ADAMTSL1: variants seen among roughly 807,000 people sequenced by gnomAD.
ADAMTSL1 encodes ADAMTS like 1.
Under a neutral mutation model 201.8 loss-of-function variants are expected in ADAMTSL1, and 126 were observed. That is an observed-to-expected ratio of 0.62 (90% confidence interval 0.54 to 0.72). The LOEUF is 0.72. Ranked by LOEUF, ADAMTSL1 falls within the 30% of genes least tolerant of loss-of-function variation. The pLI, the probability that ADAMTSL1 is intolerant of heterozygous loss-of-function variation, is 0.00. For missense variants in ADAMTSL1, 2,679 were observed against 2,277.8 expected, an observed-to-expected ratio of 1.18 and a Z score of -3.59; for synonymous variants, 1,121 against 903.4, an observed-to-expected ratio of 1.24 and a Z score of -4.32.
chr9:18,785,781 C>T (rs1053370779), intron 19 of ADAMTSL1, among the ~76,000 whole-genome samples: 1 of 152,194 alleles, frequency 6.6e-6, no homozygotes, highest in Non-Finnish European at 1.5e-5. Context: ...AGTATTCCTA[C>T]GTCTAAATCC....
intron 4 of ADAMTSL1, among the ~76,000 whole-genome samples, chr9:18,619,127 T>G (rs1207288977): frequency 6.6e-6 from 1 of 152,036 alleles, no homozygotes; most frequent in Non-Finnish European, 1.5e-5. Context: ...TAATAGCATG[T>G]GCACAGAGGG....
At chr9:18,369,235 T>C (rs746863344) in intron 2 of ADAMTSL1, among the ~76,000 whole-genome samples, 32 of 152,228 alleles carry the variant, frequency 2.1e-4, no homozygotes, top group Non-Finnish European at 4.1e-4. Flanking sequence ...CAACTCGACC[T>C]CACAGCTCTC....
intron 1 of ADAMTSL1, among the ~76,000 whole-genome samples, chr9:18,061,808 C>A (rs1194689701): frequency 6.6e-6 from 1 of 152,162 alleles, no homozygotes; most frequent in African/African-American, 2.4e-5. Flanking sequence ...TTAGTTTAGT[C>A]CATGCAATAG....
chr9:18,555,730 C>T (rs1471026770), intron 3 of ADAMTSL1, among the ~76,000 whole-genome samples: 1 of 151,810 alleles, frequency 6.6e-6, no homozygotes, highest in Non-Finnish European at 1.5e-5. Flanking sequence ...AGGAGTTAAC[C>T]AGGGGAATAA....
At chr9:18,044,541 A>T (rs570182343) in intron 1 of ADAMTSL1, among the ~76,000 whole-genome samples, 11 of 152,236 alleles carry the variant, frequency 7.2e-5, no homozygotes, top group Admixed American at 1.3e-4. Context: ...TACTCAGATG[A>T]TTGGATTGGC....
chr9:18,227,478 A>C (rs1830473860), intron 2 of ADAMTSL1, among the ~76,000 whole-genome samples: 1 of 152,170 alleles, frequency 6.6e-6, no homozygotes, highest in African/African-American at 2.4e-5. Flanking sequence ...AGTACATTTT[A>C]TTCATTTACA....
chr9:18,000,386 C>A (rs977270791), intron 1 of ADAMTSL1, among the ~76,000 whole-genome samples: 7 of 151,962 alleles, frequency 4.6e-5, no homozygotes, highest in African/African-American at 1.7e-4. Context: ...CTAATAAAAA[C>A]CAGTCATCCT....
At chr9:18,369,655 G>A (rs1457998320) in intron 2 of ADAMTSL1, among the ~76,000 whole-genome samples, 3 of 151,970 alleles carry the variant, frequency 2.0e-5, no homozygotes, top group Non-Finnish European at 4.4e-5. Context: ...AGAAATTATT[G>A]TATCAAAAAG....
intron 1 of ADAMTSL1, among the ~76,000 whole-genome samples, chr9:17,913,236 G>T (rs1471229478): frequency 1.3e-5 from 2 of 152,156 alleles, no homozygotes; most frequent in Non-Finnish European, 2.9e-5. Flanking sequence ...TGTGAAGAAA[G>T]TCCTTGGTAG....
intron 2 of ADAMTSL1, among the ~76,000 whole-genome samples, chr9:18,454,929 T>C (rs947269758): frequency 6.6e-6 from 1 of 152,194 alleles, no homozygotes; most frequent in African/African-American, 2.4e-5. Context: ...GCTCCACATA[T>C]GGAGGTAAAA....
At chr9:18,848,322 C>T (rs1027707748) in intron 23 of ADAMTSL1, among the ~76,000 whole-genome samples, 1 of 152,244 alleles carries the variant, frequency 6.6e-6, no homozygotes, top group African/African-American at 2.4e-5. Flanking sequence ...TTACAAGTTA[C>T]TTCTCCGTCT....
chr9:18,093,643 T>A (rs920166208), intron 1 of ADAMTSL1, among the ~76,000 whole-genome samples: 11 of 152,188 alleles, frequency 7.2e-5, no homozygotes, highest in African/African-American at 2.4e-4. Flanking sequence ...CAAATGTAAC[T>A]ATAAAAATCT....
intron 23 of ADAMTSL1, among the ~76,000 whole-genome samples, chr9:18,871,617 GA>G (rs781703210): frequency 2.0e-5 from 3 of 152,150 alleles, no homozygotes; most frequent in Non-Finnish European, 4.4e-5. Flanking sequence ...TTAAATGAAA[GA>G]AAATTAAAAC....
rs548183538 is a variant in ADAMTSL1, at chr9:18,605,370, G to A, written c.475-16873G>A. Among the ~76,000 whole-genome samples, 21 of 152,258 alleles carry A rather than the reference G, an allele frequency of 1.4e-4. No homozygotes were observed. The East Asian group carries it at 1.7e-3, about 13-fold the overall frequency. The stretch of plus-strand genomic sequence containing the variant: ...CCCTAATATCCAATTAGGACCAAGC[G>A]CTGGCATTGTAGATGAAAAAGCGGT... On this transcript the variant is annotated intron_variant, in intron 4 of 28. Transcript: ENST00000380548.
intron 2 of ADAMTSL1, among the ~76,000 whole-genome samples, chr9:18,316,419 C>T (rs1834397025): frequency 6.6e-6 from 1 of 152,036 alleles, no homozygotes; most frequent in South Asian, 2.1e-4. Context: ...GAGACGGGCA[C>T]ACCTGGGGGG....
chr9:18,044,925 T>C (rs1261899326), intron 1 of ADAMTSL1, among the ~76,000 whole-genome samples: 1 of 152,160 alleles, frequency 6.6e-6, no homozygotes, highest in Non-Finnish European at 1.5e-5. Flanking sequence ...TACCAAATTA[T>C]TAATTGGAAG....
intron 2 of ADAMTSL1, among the ~76,000 whole-genome samples, chr9:18,294,155 A>G (rs976997948): frequency 1.3e-5 from 2 of 152,092 alleles, no homozygotes; most frequent in Admixed American, 6.6e-5. Context: ...CCAACCTAAA[A>G]TTTCACGCCA....
chr9:18,456,047 T>C (rs1820589935), intron 2 of ADAMTSL1, among the ~76,000 whole-genome samples: 1 of 152,198 alleles, frequency 6.6e-6, no homozygotes, highest in African/African-American at 2.4e-5. Context: ...TTCATATTCT[T>C]GAAGGCCCTA....
intron 1 of ADAMTSL1, among the ~76,000 whole-genome samples, chr9:18,014,285 T>C (rs1277982739): frequency 6.6e-6 from 1 of 151,980 alleles, no homozygotes; most frequent in East Asian, 1.9e-4. Context: ...GAACCTGATA[T>C]GCAACATCAT....
Sources: gnomAD v4.1 joint callset for allele counts (sites outside exome capture counted in the v4.1 genomes callset) on GRCh38, gnomAD v4.1.1 for gene constraint, MANE v1.5 for transcripts, NCBI Gene and HGNC (gene_info 2026-07-23, HGNC 2026-07-21) for gene names.